FERRY3: variants seen among roughly 807,000 people sequenced by gnomAD.
The protein encoded by FERRY3 is FERRY endosomal RAB5 effector complex subunit 3.
the FERRY3 span, among the ~76,000 whole-genome samples, chr12:4,534,496 C>T: frequency 2.0e-5 from 3 of 152,090 alleles, no homozygotes; most frequent in African/African-American, 7.2e-5. Context: ...CCTGAATTCC[C>T]GGACTCCAGT....
chr12:4,502,810 T>A, the FERRY3 span, among the ~76,000 whole-genome samples: 1 of 152,100 alleles, frequency 6.6e-6, no homozygotes, highest in African/African-American at 2.4e-5. This position sits in a 1 kb window ranked among gnomAD's most constrained non-coding sequence, Gnocchi z 4.2. Flanking sequence ...TTATTTTAAC[T>A]TGAACAAGAT....
At chr12:4,512,073 ACAGAAATACAAACTACCAT>A in the FERRY3 span, among the ~76,000 whole-genome samples, 1 of 131,568 alleles carries the variant, frequency 7.6e-6, no homozygotes, top group East Asian at 2.1e-4. Flanking sequence ...CACCGATCCC[ACAGAAATACAAACTACCAT>A]CAGAGAATAC....
the FERRY3 span, chr12:4,524,970 T>C: frequency 8.4e-6 from 2 of 237,204 alleles, no homozygotes; most frequent in South Asian, 1.1e-4. Flanking sequence ...GTTTACTGCA[T>C]GGAGTGGAAA....
At chr12:4,505,248 T>C in the FERRY3 span, 2 of 1,091,514 alleles carry the variant, frequency 1.8e-6, no homozygotes, top group Non-Finnish European at 2.7e-6. Context: ...ATGGTGTGCA[T>C]TATAAAACAT....
chr12:4,520,303 A>G, the FERRY3 span, among the ~76,000 whole-genome samples: 16 of 152,220 alleles, frequency 1.1e-4, no homozygotes, highest in Admixed American at 7.2e-4. Flanking sequence ...CTGAGAATCA[A>G]GATACACGAG....
the FERRY3 span, among the ~76,000 whole-genome samples, chr12:4,526,569 C>T: frequency 2.6e-5 from 4 of 152,146 alleles, no homozygotes; most frequent in East Asian, 1.9e-4. Flanking sequence ...TGGCCAGGCG[C>T]GATGGCTCAT....
At chr12:4,509,434 C>G in the FERRY3 span, 1 of 151,358 alleles carries the variant, frequency 6.6e-6, no homozygotes, top group Non-Finnish European at 1.5e-5. Flanking sequence ...TAGGCTCCAC[C>G]TCTGGGGGCA....
chr12:4,532,345 AT>A, the FERRY3 span, among the ~76,000 whole-genome samples: 2 of 152,130 alleles, frequency 1.3e-5, no homozygotes, highest in African/African-American at 4.8e-5. Context: ...ACGCTGTCCT[AT>A]AAAATCTCCA....
chr12:4,525,111 TGG>T, the FERRY3 span: 15 of 988,336 alleles, frequency 1.5e-5, no homozygotes, highest in Non-Finnish European at 2.2e-5. Flanking sequence ...ATGCAAAAGG[TGG>T]TAAAAGCACA....
chr12:4,497,391 G>A, the FERRY3 span, among the ~76,000 whole-genome samples: 2 of 152,226 alleles, frequency 1.3e-5, no homozygotes, highest in Admixed American at 6.5e-5. Context: ...GTGGCTGCTG[G>A]GTGCTGGTCA....
the FERRY3 span, among the ~76,000 whole-genome samples, chr12:4,534,984 TAA>T: frequency 3.3e-5 from 5 of 152,244 alleles, no homozygotes; most frequent in Non-Finnish European, 5.9e-5. Context: ...GTATTTACAT[TAA>T]AAAGAGTTTT....
the FERRY3 span, among the ~76,000 whole-genome samples, chr12:4,532,865 C>T: frequency 6.6e-6 from 1 of 152,134 alleles, no homozygotes; most frequent in African/African-American, 2.4e-5. Context: ...CCTAACAAAA[C>T]CCTCATCTTA....
At chr12:4,505,893 G>A in the FERRY3 span, among the ~76,000 whole-genome samples, 1 of 152,058 alleles carries the variant, frequency 6.6e-6, no homozygotes, top group African/African-American at 2.4e-5. Flanking sequence ...AGTGGGACCA[G>A]GAATCACTGT....
chr12:4,503,044 C>T, the FERRY3 span, among the ~76,000 whole-genome samples: 3 of 152,140 alleles, frequency 2.0e-5, no homozygotes, highest in African/African-American at 4.8e-5. Context: ...CCTTCTAAAC[C>T]GCTACTGATA....
At chr12:4,514,099 C>T in the FERRY3 span, among the ~76,000 whole-genome samples, 1 of 151,550 alleles carries the variant, frequency 6.6e-6, no homozygotes, top group South Asian at 2.1e-4. Context: ...TGAACAGACA[C>T]TTCTCAAAAG....
At chr12:4,489,392 T>C in the FERRY3 span, 1 of 153,370 alleles carries the variant, frequency 6.5e-6, no homozygotes, top group African/African-American at 2.4e-5. Context: ...CATTTTGTTT[T>C]GGCAAAGAAA....
At chr12:4,529,184 G>GT in the FERRY3 span, among the ~76,000 whole-genome samples, 25 of 152,162 alleles carry the variant, frequency 1.6e-4, no homozygotes. Context: ...AATGCTAGAA[G>GT]TTTTTTACAT....
chr12:4,536,028 A>G, the FERRY3 span: 2 of 1,560,434 alleles, frequency 1.3e-6, no homozygotes, highest in Non-Finnish European at 1.7e-6. Context: ...TTTTTCTATA[A>G]AGCACGGTAA....
At chr12:4,505,350 TC>T in the FERRY3 span, 2 of 1,606,044 alleles carry the variant, frequency 1.2e-6, no homozygotes, top group Non-Finnish European at 1.7e-6. Context: ...CTTAGTCTTA[TC>T]ATCATTTCCT....
Sources: gnomAD v4.1 joint callset for allele counts (sites outside exome capture counted in the v4.1 genomes callset) on GRCh38, gnomAD v4.1.1 for gene constraint, Gnocchi (gnomAD v3.1) non-coding constraint, MANE v1.5 for transcripts, NCBI Gene and HGNC (gene_info 2026-07-23, HGNC 2026-07-21) for gene names.